The following OPCML variants were observed in gnomAD, a reference collection of about 807,000 sequenced individuals.
OPCML encodes the protein opioid binding protein/cell adhesion molecule like, also known as opioid-binding protein/cell adhesion molecule.
A neutral mutation model predicts 37.8 loss-of-function variants in OPCML; 13 were observed. The observed-to-expected ratio is 0.34, with a 90% confidence interval of 0.22 to 0.55. The LOEUF (loss-of-function observed/expected upper bound fraction) is 0.55, where lower values mean the gene tolerates loss of function less well. Among genes scored for constraint, OPCML ranks in the 20% least tolerant of loss-of-function variants. The probability of loss-of-function intolerance (pLI) is 0.91; values close to 1 mark genes in which losing one functional copy is unlikely to be tolerated. For missense variants in OPCML, 341 were observed against 435.6 expected (o/e 0.78, Z 1.93); for synonymous variants, 176 against 168.8 (o/e 1.04, Z -0.33).
chr11:132,439,127 G>C (rs909350944), intron 4 of OPCML, among the ~76,000 whole-genome samples: 10 of 152,160 alleles, frequency 6.6e-5, no homozygotes, highest in Non-Finnish European at 2.9e-5. Context: ...CCTGGTCCTG[G>C]TGACAGGGTC....
intron 1 of OPCML, among the ~76,000 whole-genome samples, chr11:133,380,866 G>A (rs1192600861): frequency 6.6e-6 from 1 of 152,176 alleles, no homozygotes; most frequent in African/African-American, 2.4e-5. Context: ...TTCCAGGACA[G>A]GAGTGATGAC....
At chr11:132,830,993 A>C (rs557314668) in intron 2 of OPCML, among the ~76,000 whole-genome samples, 1 of 152,272 alleles carries the variant, frequency 6.6e-6, no homozygotes, top group Admixed American at 6.5e-5. Flanking sequence ...AGGTCTCTTT[A>C]AGTTCAGAAT....
chr11:133,421,182 G>A, intron 1 of OPCML: 1 of 985,404 alleles, frequency 1.0e-6, no homozygotes, highest in Non-Finnish European at 1.2e-6. Context: ...TATAATGATA[G>A]CTCTCAGTTG....
chr11:132,581,106 T>A (rs2096461205), intron 3 of OPCML, among the ~76,000 whole-genome samples: 1 of 152,160 alleles, frequency 6.6e-6, no homozygotes, highest in African/African-American at 2.4e-5. Context: ...TTAAAGTAGC[T>A]AGAGGCAACC....
chr11:132,528,913 GA>G (rs2096315941), intron 4 of OPCML, 147 bp downstream of exon 4: 1 of 521,436 alleles, frequency 1.9e-6, no homozygotes, highest in African/African-American at 1.9e-5. Flanking sequence ...CTTTTGAAAT[GA>G]AATAGCCAGC....
At chr11:133,095,104 T>C (rs546659398) in intron 1 of OPCML, among the ~76,000 whole-genome samples, 3 of 151,994 alleles carry the variant, frequency 2.0e-5, no homozygotes, top group South Asian at 2.1e-4. Context: ...AAGTTCAACA[T>C]TGGCATATTA....
chr11:133,462,034 T>A (rs954545005), intron 1 of OPCML, among the ~76,000 whole-genome samples: 2 of 152,064 alleles, frequency 1.3e-5, no homozygotes, highest in Admixed American at 1.3e-4. Flanking sequence ...GAAGAAAATA[T>A]AGTCTTTTCA....
chr11:133,208,619 C>T lies in OPCML; in HGVS notation c.62-265609G>A, dbSNP rs1304097694. ...TGGATTTTGACACATATTTGACATG[C>T]ATCTCACCTCGAGTTATCCTTTGTC... On this transcript the variant is annotated intron_variant, in intron 1 of 7. Transcript: ENST00000524381. This position sits in a 1 kb window ranked among gnomAD's most constrained non-coding sequence, Gnocchi z 8.9. 6.6e-6 allele frequency among the ~76,000 whole-genome samples: 1 copy of T among 152,192 alleles called. No individual in the cohort carries two copies.
intron 1 of OPCML, among the ~76,000 whole-genome samples, chr11:133,388,345 T>C (rs1186240491): frequency 6.6e-6 from 1 of 151,968 alleles, no homozygotes; most frequent in Non-Finnish European, 1.5e-5. Context: ...ACCTGGAAAA[T>C]GTAAAAGTGA....
intron 1 of OPCML, among the ~76,000 whole-genome samples, chr11:133,424,675 A>G (rs995637821): frequency 1.3e-5 from 2 of 152,182 alleles, no homozygotes; most frequent in South Asian, 2.1e-4. Flanking sequence ...ATAAACATCT[A>G]TGTTCATCTT....
At chr11:132,640,812 C>A (rs1940809310) in intron 3 of OPCML, among the ~76,000 whole-genome samples, 1 of 152,126 alleles carries the variant, frequency 6.6e-6, no homozygotes, top group Non-Finnish European at 1.5e-5. Context: ...GAGCCCTGAA[C>A]CAAGCAGGCA....
At chr11:133,169,575 A>G (rs1950260168) in intron 1 of OPCML, among the ~76,000 whole-genome samples, 2 of 152,218 alleles carry the variant, frequency 1.3e-5, no homozygotes, top group African/African-American at 4.8e-5. Context: ...CATATGTATT[A>G]GGTTTGCAAA....
chr11:133,316,056 G>A (rs1029906021), intron 1 of OPCML, among the ~76,000 whole-genome samples: 1 of 152,122 alleles, frequency 6.6e-6, no homozygotes, highest in African/African-American at 2.4e-5. Flanking sequence ...AATGCTAAAT[G>A]AGAAAAAATT....
At chr11:132,981,357 T>C (rs1276773255) in intron 1 of OPCML, among the ~76,000 whole-genome samples, 2 of 152,106 alleles carry the variant, frequency 1.3e-5, no homozygotes, top group East Asian at 3.9e-4. Context: ...AGGGGCCCAC[T>C]CTGCAGGCAG....
intron 1 of OPCML, among the ~76,000 whole-genome samples, chr11:133,521,195 C>G (rs1320567821): frequency 6.6e-6 from 1 of 152,088 alleles, no homozygotes; most frequent in Non-Finnish European, 1.5e-5. Flanking sequence ...GGTCCACTTG[C>G]GAATTAGGCA....
intron 1 of OPCML, among the ~76,000 whole-genome samples, chr11:133,122,752 C>T (rs552259009): frequency 2.0e-5 from 3 of 152,164 alleles, no homozygotes; most frequent in Non-Finnish European, 4.4e-5. Flanking sequence ...CATTCATCTC[C>T]CAAATCCACC....
intron 1 of OPCML, among the ~76,000 whole-genome samples, chr11:133,043,653 C>G (rs1412420345): frequency 1.3e-5 from 2 of 152,200 alleles, no homozygotes; most frequent in Non-Finnish European, 2.9e-5. Context: ...CAGAGCCTTC[C>G]TCCTCATGCA....
At chr11:132,953,489 A>G (rs1015288379) in intron 1 of OPCML, among the ~76,000 whole-genome samples, 6 of 152,234 alleles carry the variant, frequency 3.9e-5, no homozygotes, top group African/African-American at 9.6e-5. Flanking sequence ...TCCGCAAGCC[A>G]TACGATAAAA....
chr11:132,586,794 C>T (rs1264417238), intron 3 of OPCML, among the ~76,000 whole-genome samples: 3 of 152,094 alleles, frequency 2.0e-5, no homozygotes, highest in African/African-American at 7.2e-5. Flanking sequence ...CCTGCAAAGA[C>T]TCAGAGGTGT....
Sources: allele counts gnomAD v4.1 joint callset (sites outside exome capture counted in the v4.1 genomes callset), GRCh38; gene constraint gnomAD v4.1.1; non-coding constraint Gnocchi (gnomAD v3.1); transcripts MANE v1.5; gene names NCBI Gene and HGNC (gene_info 2026-07-23, HGNC 2026-07-21).